The following TIAM1 variants were observed in gnomAD, a reference collection of about 807,000 sequenced individuals.
TIAM1 encodes the protein TIAM Rac1 associated GEF 1.
In TIAM1, 65 loss-of-function variants were observed where a neutral mutation model predicts 163.5. The observed-to-expected ratio is 0.40, with a 90% confidence interval of 0.33 to 0.49. The LOEUF (loss-of-function observed/expected upper bound fraction) is 0.49, where lower values mean the gene tolerates loss of function less well. Ranked by LOEUF, TIAM1 falls within the 20% of genes least tolerant of loss-of-function variation. TIAM1 has a pLI of 0.77. For synonymous variants in TIAM1, 833 were observed against 810.1 expected, an observed-to-expected ratio of 1.03 and a Z score of -0.48; for missense variants, 1,789 against 2,044.7, an observed-to-expected ratio of 0.87 and a Z score of 2.41.
intron 13 of TIAM1, among the ~76,000 whole-genome samples, chr21:31,189,441 A>C (rs1265365273): frequency 6.6e-6 from 1 of 152,106 alleles, no homozygotes. Context: ...TTGATTATGT[A>C]ATTTGTACCA....
At chr21:31,152,061 T>A (rs2083402642) in intron 19 of TIAM1, among the ~76,000 whole-genome samples, 1 of 139,510 alleles carries the variant, frequency 7.2e-6, no homozygotes, top group East Asian at 2.2e-4. Context: ...AGACGGAGCC[T>A]CGTTCTTGTC....
At chr21:31,438,353 A>G (rs148558123) in intron 2 of TIAM1, among the ~76,000 whole-genome samples, 4,764 of 151,662 alleles carry the variant, frequency 0.031, 98 homozygotes, top group Non-Finnish European at 0.052. Flanking sequence ...CACCATGCCC[A>G]GCTAATTTTT....
chr21:31,208,145 C>T (rs1390647754), intron 11 of TIAM1, among the ~76,000 whole-genome samples: 1 of 152,150 alleles, frequency 6.6e-6, no homozygotes, highest in Non-Finnish European at 1.5e-5. Flanking sequence ...TCTTCATTCC[C>T]CTAGTTTCTT....
chr21:31,268,089 C>T (rs1460504028), intron 3 of TIAM1, among the ~76,000 whole-genome samples: 2 of 152,136 alleles, frequency 1.3e-5, no homozygotes, highest in Admixed American at 6.5e-5. Context: ...AGATAACGCA[C>T]ATGAAAATAG....
At chr21:31,210,329 C>T (rs2086657311) in intron 10 of TIAM1, 114 bp from the exon 11 acceptor site, 4 of 1,140,378 alleles carry the variant, frequency 3.5e-6, no homozygotes, top group African/African-American at 3.1e-5. Flanking sequence ...AGGGCAGAAG[C>T]GGAGGCAGTG....
At position 31,266,868 on chromosome 21, in the gene TIAM1, C is replaced by T; in HGVS notation, c.105G>A (p.Lys35=). The change falls in exon 4 of 28, where the codon AAG becomes AAA. Residue 35 remains lysine (K), a synonymous_variant. Coordinates refer to ENST00000541036, the MANE Select transcript of TIAM1 (RefSeq NM_001353694.2). ...AGGAAGCGTGCCTGGTCCTCCGCGT[C>T]TTGTGCGAGAGGCGCAGGGAGCGGG... ...HTSRSLRLSH[K]TRRTRHASSG... 6.2e-7 allele frequency: 1 copy of T among 1,614,144 alleles called. No individual in the cohort carries two copies. The highest frequency in any genetic ancestry group is 8.5e-7 in the Non-Finnish European group (1 of 1,180,046).
chr21:31,380,682 G>A (rs758719524), intron 2 of TIAM1, among the ~76,000 whole-genome samples: 1 of 152,116 alleles, frequency 6.6e-6, no homozygotes, highest in Admixed American at 6.5e-5. Context: ...ATCCATCAGA[G>A]GATAATTAAT....
chr21:31,443,905 A>G (rs1371900102), intron 2 of TIAM1, among the ~76,000 whole-genome samples: 2 of 152,214 alleles, frequency 1.3e-5, no homozygotes, highest in Non-Finnish European at 2.9e-5. Flanking sequence ...GTTACATAAT[A>G]TAAAACATCA....
chr21:31,471,145 A>T (rs1486866552), intron 1 of TIAM1, among the ~76,000 whole-genome samples: 1 of 152,184 alleles, frequency 6.6e-6, no homozygotes, highest in Non-Finnish European at 1.5e-5. Context: ...GAGGGAAAAA[A>T]TACTCAGGAG....
At chr21:31,300,132 G>A (rs1410385421) in intron 2 of TIAM1, among the ~76,000 whole-genome samples, 2 of 152,122 alleles carry the variant, frequency 1.3e-5, no homozygotes, top group East Asian at 3.9e-4. Context: ...GACAGTGGGT[G>A]AGTTCTCGTG....
chr21:31,533,543 C>T (rs536091152), intron 1 of TIAM1, among the ~76,000 whole-genome samples: 6 of 152,062 alleles, frequency 3.9e-5, no homozygotes, highest in South Asian at 4.2e-4. Context: ...CACTTGAGGT[C>T]GGGAGTTCAA....
At chr21:31,177,373 G>T (rs1347901272) in intron 15 of TIAM1, among the ~76,000 whole-genome samples, 1 of 152,180 alleles carries the variant, frequency 6.6e-6, no homozygotes, top group African/African-American at 2.4e-5. Flanking sequence ...TTCGGAGGGT[G>T]AGGCAGGTGG....
intron 2 of TIAM1, among the ~76,000 whole-genome samples, chr21:31,364,448 G>C (rs140715174): frequency 5.6e-4 from 86 of 152,272 alleles, no homozygotes; most frequent in African/African-American, 1.4e-3. Context: ...CTCCGCAGAG[G>C]GAGCCAATGA....
At chr21:31,289,194 T>C (rs2073923207) in intron 2 of TIAM1, among the ~76,000 whole-genome samples, 1 of 152,178 alleles carries the variant, frequency 6.6e-6, no homozygotes, top group Non-Finnish European at 1.5e-5. Flanking sequence ...GGCAATGCCC[T>C]GGTTTATGTG....
chr21:31,369,703 A>G (rs747225783), intron 2 of TIAM1, among the ~76,000 whole-genome samples: 1 of 152,200 alleles, frequency 6.6e-6, no homozygotes, highest in Non-Finnish European at 1.5e-5. Context: ...TTACATGTCA[A>G]CTAAAAATAA....
chr21:31,220,144 G>A (rs1419956500), intron 8 of TIAM1, among the ~76,000 whole-genome samples: 1 of 152,110 alleles, frequency 6.6e-6, no homozygotes, highest in African/African-American at 2.4e-5. Context: ...TATAAAATAC[G>A]TCGACATATA....
At chr21:31,466,248 G>A (rs1440946682) in intron 1 of TIAM1, among the ~76,000 whole-genome samples, 2 of 152,174 alleles carry the variant, frequency 1.3e-5, no homozygotes, top group Admixed American at 6.5e-5. Context: ...CCAATGAGCC[G>A]GGGAGGCGTC....
At chr21:31,451,576 G>A (rs2147326259) in intron 2 of TIAM1, among the ~76,000 whole-genome samples, 1 of 152,210 alleles carries the variant, frequency 6.6e-6, no homozygotes, top group South Asian at 2.1e-4. Flanking sequence ...AATGGGAAAT[G>A]TGGCCAAGGA....
intron 14 of TIAM1, 130 bp downstream of exon 14, chr21:31,186,871 G>A: frequency 1.3e-6 from 1 of 793,730 alleles, no homozygotes; most frequent in South Asian, 1.7e-5. Context: ...CCCTGGAAGG[G>A]TTTTCAATGA....
Sources: gnomAD v4.1 joint callset for allele counts (sites outside exome capture counted in the v4.1 genomes callset) on GRCh38, gnomAD v4.1.1 for gene constraint, MANE v1.5 for transcripts, NCBI Gene and HGNC (gene_info 2026-07-23, HGNC 2026-07-21) for gene names.